The following UNC79 variants were observed in gnomAD, a reference collection of about 807,000 sequenced individuals.
UNC79 encodes the protein protein unc-79 homolog.
In UNC79, 37 loss-of-function variants were observed where a neutral mutation model predicts 283.1. The ratio of observed to expected loss-of-function variants is 0.13; its 90% CI spans 0.10 to 0.17. UNC79 has a LOEUF of 0.17. Among genes scored for constraint, UNC79 ranks in the 10% least tolerant of loss-of-function variants. The pLI, the probability that UNC79 is intolerant of heterozygous loss-of-function variation, is 1.00. For synonymous variants in UNC79, 1,107 were observed against 1,200.2 expected (o/e 0.92, Z 1.61); for missense variants, 2,272 against 3,211.1 (o/e 0.71, Z 7.07).
intron 24 of UNC79, among the ~76,000 whole-genome samples, chr14:93,598,409 T>TGTGTGTGTGG (rs1266068455): frequency 4.1e-4 from 16 of 38,904 alleles, no homozygotes; most frequent in African/African-American, 7.0e-4. Flanking sequence ...TGTGTGTGTG[T>TGTGTGTGTGG]GGCAGATTTT....
At chr14:93,390,948 G>T (rs1475459450) in intron 1 of UNC79, among the ~76,000 whole-genome samples, 1 of 151,974 alleles carries the variant, frequency 6.6e-6, no homozygotes, top group Non-Finnish European at 1.5e-5. Flanking sequence ...TCCTGCATTT[G>T]TTTAGAGTCT....
intron 44 of UNC79, chr14:93,689,813 C>G (rs112861847): frequency 0.019 from 5,614 of 298,230 alleles, 290 homozygotes; most frequent in African/African-American, 0.11. Context: ...TTTCTAAAGG[C>G]AGGAGTGGAA....
At chr14:93,511,429 T>C (rs983437426) in intron 7 of UNC79, among the ~76,000 whole-genome samples, 12 of 152,106 alleles carry the variant, frequency 7.9e-5, no homozygotes, top group Non-Finnish European at 1.5e-4. Flanking sequence ...TTATTCTGAA[T>C]AGTTTTTATT....
At chr14:93,335,830 T>G (rs1027233816) in intron 1 of UNC79, among the ~76,000 whole-genome samples, 1 of 152,250 alleles carries the variant, frequency 6.6e-6, no homozygotes, top group African/African-American at 2.4e-5. Context: ...GGTCTTTTCA[T>G]TTTTAGAAGC....
intron 35 of UNC79, among the ~76,000 whole-genome samples, chr14:93,647,381 T>C (rs1468569586): frequency 6.6e-6 from 1 of 152,224 alleles, no homozygotes; most frequent in Non-Finnish European, 1.5e-5. Context: ...CTAGCAAGTC[T>C]GGGAGATAGA....
chr14:93,532,740 C>T (rs1455834620), intron 11 of UNC79, among the ~76,000 whole-genome samples, 162 bp downstream of exon 11: 2 of 152,186 alleles, frequency 1.3e-5, no homozygotes, highest in East Asian at 3.8e-4. Context: ...AAGATTGCTA[C>T]ATCCAAATGG....
chr14:93,667,423 C>A (rs2072334639), intron 40 of UNC79, among the ~76,000 whole-genome samples: 1 of 151,446 alleles, frequency 6.6e-6, no homozygotes, highest in Non-Finnish European at 1.5e-5. Context: ...AAATCAACAA[C>A]CTTATGCCAG....
intron 4 of UNC79, among the ~76,000 whole-genome samples, chr14:93,480,199 A>G (rs1027081690): frequency 7.9e-5 from 12 of 152,240 alleles, no homozygotes; most frequent in African/African-American, 2.7e-4. Context: ...AGAATAAAAC[A>G]GTAAGTTGAG....
chr14:93,656,263 G>GT (rs1213064365), intron 38 of UNC79, among the ~76,000 whole-genome samples: 1 of 152,050 alleles, frequency 6.6e-6, no homozygotes, highest in East Asian at 1.9e-4. Context: ...GTTCCATGAG[G>GT]TTTTTTGTGC....
intron 1 of UNC79, among the ~76,000 whole-genome samples, chr14:93,380,656 CTGTTT>C (rs2054647775): frequency 6.6e-6 from 1 of 152,208 alleles, no homozygotes; most frequent in South Asian, 2.1e-4. Context: ...CAGATGTTGG[CTGTTT>C]TGTTCATCAC....
intron 26 of UNC79, among the ~76,000 whole-genome samples, chr14:93,611,583 T>C (rs533427338): frequency 6.6e-6 from 1 of 152,340 alleles, no homozygotes; most frequent in South Asian, 2.1e-4. Flanking sequence ...GTCTCTTGGC[T>C]GTGTCCTGGA....
chr14:93,649,769 C>T (rs1007220409), intron 35 of UNC79, among the ~76,000 whole-genome samples: 2 of 152,054 alleles, frequency 1.3e-5, no homozygotes, highest in African/African-American at 4.8e-5. Flanking sequence ...TTCAAGTATA[C>T]GATACATTGT....
chr14:93,524,137 G>C (rs1410046464), intron 8 of UNC79, 95 bp downstream of exon 8: 1 of 1,377,334 alleles, frequency 7.3e-7, no homozygotes, highest in Non-Finnish European at 1.0e-6. Context: ...GTAAAGCAGA[G>C]GCATGTCCTC....
intron 22 of UNC79, among the ~76,000 whole-genome samples, chr14:93,590,189 AATCTAAATAAGGCCCC>A (rs1228032221): frequency 6.6e-6 from 1 of 152,190 alleles, no homozygotes; most frequent in Non-Finnish European, 1.5e-5. Context: ...TAACTGATGA[AATCTAAATAAGGCCCC>A]ATCTTGAGGT....
chr14:93,520,728 G>A (rs1369709707), intron 7 of UNC79, among the ~76,000 whole-genome samples: 2 of 151,838 alleles, frequency 1.3e-5, no homozygotes, highest in Non-Finnish European at 2.9e-5. Flanking sequence ...AGTTTTTCAA[G>A]TTGTATTTCT....
At chr14:93,542,557 A>G (rs370607086) in exon 14 of UNC79, 1 of 1,614,226 alleles carries the variant, frequency 6.2e-7, no homozygotes, top group Non-Finnish European at 8.5e-7. Context: ...TCCACTGCGT[A>G]TATGATGGAT....
chr14:93,600,555 C>A lies in UNC79; in HGVS notation c.3373-14C>A. Reference sequence around the variant, plus strand: ...CTTTCTTCTTTTCTTTTTTTTTTTCCTCCTCTTTCCCAGGGTCTATGTCTT... The same window carrying A: ...CTTTCTTCTTTTCTTTTTTTTTTTCATCCTCTTTCCCAGGGTCTATGTCTT... On this transcript the variant is annotated splice_polypyrimidine_tract_variant and intron_variant, in intron 24 of 48. Coordinates refer to ENST00000555664, the Ensembl canonical transcript of UNC79. The A allele has an allele frequency of 6.6e-7, 1 of 1,524,044 alleles. No homozygotes were observed. The highest frequency in any genetic ancestry group is 8.8e-7 in the Non-Finnish European group (1 of 1,132,358). 94.4% of individuals were successfully genotyped at this position (1,524,044 alleles called of 1,614,324 possible). A position where few individuals can be genotyped will look rare whatever the true frequency, so the allele number is the denominator to read the frequency against.
chr14:93,655,558 T>G, intron 38 of UNC79, 151 bp downstream of exon 41: 1 of 905,542 alleles, frequency 1.1e-6, no homozygotes, highest in Non-Finnish European at 1.6e-6. Context: ...TTATTTGGGT[T>G]GTTCTGTCTT....
chr14:93,482,095 A>G (rs112145023), intron 4 of UNC79, among the ~76,000 whole-genome samples: 8 of 152,212 alleles, frequency 5.3e-5, no homozygotes, highest in African/African-American at 1.7e-4. Context: ...ATGCACGTGT[A>G]TATCAGGCCA....
Sources: gnomAD v4.1 joint callset for allele counts (sites outside exome capture counted in the v4.1 genomes callset) on GRCh38, gnomAD v4.1.1 for gene constraint, MANE v1.5 for transcripts, NCBI Gene and HGNC (gene_info 2026-07-23, HGNC 2026-07-21) for gene names.